Variants in C12orf56 observed in about 807,000 individuals in gnomAD.
C12orf56 encodes chromosome 12 open reading frame 56.
In C12orf56, 71 loss-of-function variants were observed where a neutral mutation model predicts 69.9. The ratio of observed to expected loss-of-function variants is 1.02; its 90% CI spans 0.84 to 1.24. The LOEUF is 1.24. C12orf56 is among the 50% of genes most tolerant of loss of function. C12orf56 has a pLI of 0.00. For synonymous variants in C12orf56, 276 were observed against 274.1 expected, an observed-to-expected ratio of 1.01 and a Z score of -0.07; for missense variants, 732 against 738.5, an observed-to-expected ratio of 0.99 and a Z score of 0.10.
Position 64,279,967 on chromosome 12 carries a change from C to A in C12orf56, c.1311-2164G>T, listed in dbSNP as rs1000071283. Reference sequence around the variant, plus strand: ...TTTTCAAAGTATCATACATCCAAAGCAAAGAAAAAGAACTCTCAAATTATG... The same window carrying A: ...TTTTCAAAGTATCATACATCCAAAGAAAAGAAAAAGAACTCTCAAATTATG... On this transcript the variant is annotated intron_variant, in intron 8 of 12. Coordinates refer to ENST00000543942, the MANE Select transcript of C12orf56 (RefSeq NM_001170633.2). 2.0e-5 allele frequency among the ~76,000 whole-genome samples: 3 copies of A among 152,014 alleles called. No homozygotes were observed. In the South Asian group the frequency reaches 6.2e-4, roughly 32 times the overall value.
intron 1 of C12orf56, among the ~76,000 whole-genome samples, chr12:64,365,403 G>T (rs1032140868): frequency 6.6e-6 from 1 of 151,514 alleles, no homozygotes; most frequent in Non-Finnish European, 1.5e-5. Context: ...CTGACCTCGT[G>T]ATCTGCCCTC....
intron 2 of C12orf56, among the ~76,000 whole-genome samples, chr12:64,333,432 A>G (rs1322696112): frequency 1.4e-5 from 2 of 147,664 alleles, no homozygotes; most frequent in Non-Finnish European, 1.5e-5. Flanking sequence ...AAAAAGTTGG[A>G]AAAAAAAAAA....
rs546822032 is a variant in C12orf56, at chr12:64,366,941, A to G, written c.253-13885T>C. ...ACACAGTTTATATATTATATATAAC[A>G]TACACTTTATATATTATATATAACA... On this transcript the variant is annotated intron_variant, in intron 1 of 12. Transcript: ENST00000543942. Among the ~76,000 whole-genome samples the G allele has an allele frequency of 5.9e-4, 72 of 122,562 alleles. 1 individual carries two copies. Among genetic ancestry groups the G allele is most frequent in the African/African-American group, 2.1e-3 (67 of 31,812 alleles). 80.4% of individuals were successfully genotyped at this position (122,562 alleles called of 152,430 possible).
At chr12:64,382,035 G>A (rs1425153696) in intron 1 of C12orf56, among the ~76,000 whole-genome samples, 2 of 152,102 alleles carry the variant, frequency 1.3e-5, no homozygotes, top group African/African-American at 4.8e-5. Flanking sequence ...GTCAAGGTGG[G>A]TGGATCACCT....
chr12:64,344,442 A>T (rs191830603), intron 2 of C12orf56, among the ~76,000 whole-genome samples: 5 of 152,340 alleles, frequency 3.3e-5, no homozygotes, highest in Admixed American at 2.6e-4. Context: ...TTCATTTCTA[A>T]GAACACCGTG....
At chr12:64,271,104 G>A (rs2037984391) in intron 11 of C12orf56, among the ~76,000 whole-genome samples, 1 of 152,124 alleles carries the variant, frequency 6.6e-6, no homozygotes, top group South Asian at 2.1e-4. Flanking sequence ...GGCAGAGGTT[G>A]CAGTGAGCCG....
rs2038564765 is a variant in C12orf56 at position 64,308,943 on chromosome 12, G to GAAAGAAAGAAAGAAAGAAA, written c.968+3717_968+3735dup. Among the ~76,000 whole-genome samples, 53 of 33,500 alleles carry GAAAGAAAGAAAGAAAGAAA rather than the reference G, an allele frequency of 1.6e-3. 2 individuals are homozygous for GAAAGAAAGAAAGAAAGAAA. Among genetic ancestry groups the GAAAGAAAGAAAGAAAGAAA allele is most frequent in the African/African-American group, 4.2e-3 (48 of 11,328 alleles). 22.0% of individuals were successfully genotyped at this position (33,500 alleles called of 152,430 possible). A position where few individuals can be genotyped will look rare whatever the true frequency, so the allele number is the denominator to read the frequency against. On this transcript the variant is annotated intron_variant, in intron 5 of 12. Transcript: ENST00000543942. ...AAGAAAGAAAGAAAGAAAGAAAGAA[G>GAAAGAAAGAAAGAAAGAAA]AAAGAAAGAAAGAAAGAAAGAAAGA...
chr12:64,329,493 G>GTTTATTTA (rs148485048), intron 3 of C12orf56, among the ~76,000 whole-genome samples: 114 of 147,970 alleles, frequency 7.7e-4, no homozygotes, highest in South Asian at 4.5e-3. Flanking sequence ...TGTAGTAATG[G>GTTTATTTA]TTTATTTATT....
rs2038258059 is a variant in C12orf56 at position 64,289,361 on chromosome 12, C to G, written c.1114-3301G>C. On this transcript the variant is annotated intron_variant, in intron 6 of 12. Coordinates refer to ENST00000543942, the MANE Select transcript of C12orf56 (RefSeq NM_001170633.2). The stretch of plus-strand genomic sequence containing the variant: ...TTTATTTCCTTCTCCTGCCTAATTG[C>G]CCTGGCCAGAACTTCCAACACTATG... Among the ~76,000 whole-genome samples the G allele has an allele frequency of 6.4e-5, 8 of 125,142 alleles. No individual in the cohort carries two copies. The South Asian group carries it at 2.2e-3, about 35-fold the overall frequency. 82.1% of individuals were successfully genotyped at this position (125,142 alleles called of 152,430 possible).
intron 6 of C12orf56, among the ~76,000 whole-genome samples, chr12:64,299,782 C>A (rs904256194): frequency 6.6e-6 from 1 of 151,890 alleles, no homozygotes; most frequent in East Asian, 1.9e-4. Context: ...TATCACCAAG[C>A]CTCACACAGA....
chr12:64,276,008 C>G lies in C12orf56; in HGVS notation c.1435-636G>C, dbSNP rs536206786. Among the ~76,000 whole-genome samples, 93 of 151,822 alleles carry G rather than the reference C, an allele frequency of 6.1e-4. 2 individuals are homozygous for G. The highest frequency in any genetic ancestry group is 1.8e-3 in the African/African-American group (74 of 41,420). On this transcript the variant is annotated intron_variant, in intron 9 of 12. Coordinates refer to ENST00000543942, the MANE Select transcript of C12orf56 (RefSeq NM_001170633.2). ...AAGAATGTAGAAATACACACCCCCC[C>G]CCGCGAGTTGAGGTGAGAGATTCTC... is the stretch of plus-strand genomic sequence containing the variant.
At chr12:64,342,099 T>C (rs1170021714) in intron 2 of C12orf56, among the ~76,000 whole-genome samples, 1 of 152,160 alleles carries the variant, frequency 6.6e-6, no homozygotes, top group Non-Finnish European at 1.5e-5. Flanking sequence ...ATCTTCCCAG[T>C]TTTTGACCAC....
intron 6 of C12orf56, among the ~76,000 whole-genome samples, chr12:64,287,362 T>G (rs2038222248): frequency 6.6e-6 from 1 of 150,654 alleles, no homozygotes; most frequent in Non-Finnish European, 1.5e-5. Context: ...GTTTTTTTTA[T>G]TATACTTTAA....
intron 1 of C12orf56, among the ~76,000 whole-genome samples, chr12:64,379,018 T>C (rs1592503410): frequency 6.8e-6 from 1 of 147,954 alleles, no homozygotes; most frequent in Admixed American, 6.8e-5. Flanking sequence ...GCCACTGCAC[T>C]CCAGCCTGGG....
At chr12:64,270,757 C>T in intron 11 of C12orf56, 43 bp from the exon 12 acceptor site, 1 of 1,498,326 alleles carries the variant, frequency 6.7e-7, no homozygotes. Context: ...GTGTGCCACC[C>T]ACAAAAGCAA....
intron 1 of C12orf56, among the ~76,000 whole-genome samples, chr12:64,368,247 C>T (rs1265638781): frequency 2.0e-5 from 3 of 151,998 alleles, no homozygotes; most frequent in East Asian, 3.9e-4. Flanking sequence ...CAATTATAGG[C>T]GTGAGCCACC....
chr12:64,381,612 C>A (rs1298247799), intron 1 of C12orf56, among the ~76,000 whole-genome samples: 1 of 152,112 alleles, frequency 6.6e-6, no homozygotes. Flanking sequence ...AAAATGGAGT[C>A]GGTTAGGTCA....
chr12:64,286,748 C>T (rs911971400), intron 6 of C12orf56, among the ~76,000 whole-genome samples: 3 of 152,054 alleles, frequency 2.0e-5, no homozygotes, highest in South Asian at 2.1e-4. Flanking sequence ...CTCTATTGTT[C>T]GTTTTTTCCC....
intron 9 of C12orf56, 49 bp downstream of exon 9, chr12:64,277,631 C>CT (rs2038068368): frequency 2.1e-6 from 1 of 471,574 alleles, no homozygotes; most frequent in African/African-American, 3.4e-5. Context: ...AGCCAGGGCC[C>CT]CTATATATAT....
Sources: gnomAD v4.1 joint callset for allele counts (sites outside exome capture counted in the v4.1 genomes callset) on GRCh38, gnomAD v4.1.1 for gene constraint, MANE v1.5 for transcripts, NCBI Gene and HGNC (gene_info 2026-07-23, HGNC 2026-07-21) for gene names.